OTUD4: variants seen among roughly 807,000 people sequenced by gnomAD.
The protein encoded by OTUD4 is OTU deubiquitinase 4, also known as OTU domain-containing protein 4.
In OTUD4, 24 loss-of-function variants were observed where a neutral mutation model predicts 130.4. The ratio of observed to expected loss-of-function variants is 0.18; its 90% CI spans 0.13 to 0.26. OTUD4 has a LOEUF of 0.26. Among genes scored for constraint, OTUD4 ranks in the 10% least tolerant of loss-of-function variants. The probability of loss-of-function intolerance (pLI) is 1.00; values close to 1 mark genes in which losing one functional copy is unlikely to be tolerated. For missense variants in OTUD4, 1,031 were observed against 1,329.4 expected, an observed-to-expected ratio of 0.78 and a Z score of 3.49; for synonymous variants, 420 against 472.5, an observed-to-expected ratio of 0.89 and a Z score of 1.44.
chr4:145,163,723 T>TA (rs1751703355), intron 5 of OTUD4, among the ~76,000 whole-genome samples: 1 of 149,814 alleles, frequency 6.7e-6, no homozygotes, highest in African/African-American at 2.4e-5. Context: ...TTTTTTTTTT[T>TA]AAGACGGAGG....
In OTUD4 at chr4:145,137,872, A is replaced by G. The variant is rs377171799; in HGVS notation, c.2903T>C (p.Leu968Pro). The change falls in exon 21 of 21, where the codon CTA becomes CCA. Residue 968 changes from leucine to proline, a missense_variant. Physicochemically the swap from Leu to Pro is moderately conservative, Grantham distance 98. This residue lies in a region of OTUD4 where 900 missense variants were observed against 1,095.9 expected (regional missense o/e 0.82). Transcript: ENST00000447906. ...EGKAHPPTQILNRERETVPVE... is the reference protein window; with the variant it reads ...EGKAHPPTQIPNRERETVPVE... ...AGGCACAGTTTCTCTCTCTCTGTTT[A>G]GAATCTGAGTGGGAGGATGAGCCTT... 53 of 1,613,960 alleles carry G rather than the reference A, an allele frequency of 3.3e-5. No individual in the cohort carries two copies. Among genetic ancestry groups the G allele is most frequent in the Non-Finnish European group, 4.3e-5 (51 of 1,180,014 alleles).
Position 145,157,304 on chromosome 4 carries a change from G to A in OTUD4, c.630-1308C>T, listed in dbSNP as rs1031715924. ...CATCTTGAATTGTAATACTCCCCAA[G>A]TATCAAGGGCAAGACCAGGTGGAGA... On this transcript the variant is annotated intron_variant, in intron 7 of 20. Coordinates refer to ENST00000447906, the MANE Select transcript of OTUD4 (RefSeq NM_001366057.1). Among the ~76,000 whole-genome samples the A allele has an allele frequency of 3.9e-5, 6 of 152,164 alleles. No individual in the cohort carries two copies. In the East Asian group the frequency reaches 5.8e-4, roughly 15 times the overall value.
intron 5 of OTUD4, among the ~76,000 whole-genome samples, chr4:145,163,430 T>A (rs1157034700): frequency 1.3e-5 from 2 of 152,188 alleles, no homozygotes; most frequent in Non-Finnish European, 2.9e-5. Context: ...TGACAGATAA[T>A]GCAACGACAC....
At chr4:145,143,336 T>C (rs769220148) in intron 17 of OTUD4, 29 bp downstream of exon 17, 1 of 1,390,510 alleles carries the variant, frequency 7.2e-7, no homozygotes, top group Non-Finnish European at 1.0e-6. Flanking sequence ...GAGTGGAGCA[T>C]TCAATGTTAA....
In OTUD4 at chr4:145,142,298, G is replaced by T. The variant is rs1443756520; in HGVS notation, c.1720C>A (p.Pro574Thr). The change falls in exon 18 of 21, where the codon CCC (proline) becomes ACC (threonine). Residue 574 changes from proline to threonine, a missense_variant. Transcript: ENST00000447906. The part of the protein sequence containing the change: ...AEHVSLSNPA[P>T]LLVSPEVHLT... ...TGTACCTCTGGAGAAACTAGAAGGG[G>T]AGCTGGATTTGACAAAGACACATGT... is the stretch of plus-strand genomic sequence containing the variant. The T allele has an allele frequency of 1.9e-6, 3 of 1,613,974 alleles. No homozygotes were observed. The highest frequency in any genetic ancestry group is 2.5e-6 in the Non-Finnish European group (3 of 1,179,848).
rs1278651219 is a variant in OTUD4, at chr4:145,180,288, C to T, written c.-315G>A. On this transcript the variant is annotated 5_prime_UTR_variant, in exon 1 of 21. Transcript: ENST00000447906. ...ACTTCCCGACGGCCTCGCTGCCTGA[C>T]TCAGGACCCAGGCCGGGGGTCGCCG... 1 of 153,374 alleles carries T rather than the reference C, an allele frequency of 6.5e-6. No homozygotes were observed. Among genetic ancestry groups the T allele is most frequent in the Admixed American group, 6.5e-5 (1 of 15,332 alleles). 9.5% of individuals were successfully genotyped at this position (153,374 alleles called of 1,614,324 possible). A position where few individuals can be genotyped will look rare whatever the true frequency, so the allele number is the denominator to read the frequency against.
chr4:145,150,786 C>T lies in OTUD4; in HGVS notation c.1072+16G>A. The T allele has an allele frequency of 6.2e-7, 1 of 1,608,162 alleles. No homozygotes were observed. Among genetic ancestry groups the T allele is most frequent in the Non-Finnish European group, 8.5e-7 (1 of 1,174,908 alleles). On this transcript the variant is annotated intron_variant, in intron 12 of 20. Coordinates refer to ENST00000447906, the MANE Select transcript of OTUD4 (RefSeq NM_001366057.1). ...CATCCCAATCCCAAAGGAATGATAG[C>T]TTGATGTGCTCCTACCAGAATGGAA...
At chr4:145,151,006 T>G in intron 11 of OTUD4, 101 bp from the exon 12 acceptor site, 1 of 637,172 alleles carries the variant, frequency 1.6e-6, no homozygotes, top group Non-Finnish European at 2.5e-6. Flanking sequence ...TTTCTAGTTT[T>G]ATTTCTTACA....
Position 145,150,633 on chromosome 4 carries a change from C to T in OTUD4, c.1139G>A (p.Arg380Gln), listed in dbSNP as rs768825820. 4.3e-6 allele frequency: 7 copies of T among 1,612,834 alleles called. No individual in the cohort carries two copies. Among genetic ancestry groups the T allele is most frequent in the Non-Finnish European group, 5.9e-6 (7 of 1,179,064 alleles). The part of the protein sequence containing the change: ...PIKAPSALPP[R>Q]LQHPSGVRQH... ...TCTTACTCCTGAAGGATGCTGCAGTCGAGGAGGTAGTGCTGATGGGGCTTT... is the reference window on the plus strand; with the variant it reads ...TCTTACTCCTGAAGGATGCTGCAGTTGAGGAGGTAGTGCTGATGGGGCTTT... The change falls in exon 13 of 21, where the codon CGA (arginine) becomes CAA (glutamine). Residue 380 changes from arginine (R) to glutamine (Q), a missense_variant. Physicochemically the swap from Arg to Gln is conservative, Grantham distance 43. Around this residue, in one of 3 missense-constraint regions of OTUD4, gnomAD observed 900 missense variants for 1,095.9 expected, o/e 0.82. Coordinates refer to ENST00000447906, the MANE Select transcript of OTUD4 (RefSeq NM_001366057.1).
Position 145,134,021 on chromosome 4 carries a change from T to C in OTUD4, c.*3409A>G, listed in dbSNP as rs1466163083. 2 of 152,614 alleles carry C rather than the reference T, an allele frequency of 1.3e-5. No homozygotes were observed. The highest frequency in any genetic ancestry group is 2.9e-5 in the Non-Finnish European group (2 of 68,034). The allele number at this position is 152,614 out of a possible 1,614,324, so 9.5% of individuals were successfully genotyped here. A position where few individuals can be genotyped will look rare whatever the true frequency, so the allele number is the denominator to read the frequency against. On this transcript the variant is annotated 3_prime_UTR_variant, in exon 21 of 21. Transcript: ENST00000447906. ...GTAACACAATGCAATTTTTAATCCA[T>C]TCAAGTAAGTTCAACCCCAAAGTTG... is the stretch of plus-strand genomic sequence containing the variant.
intron 10 of OTUD4, among the ~76,000 whole-genome samples, chr4:145,153,140 T>C (rs1159551605): frequency 6.6e-6 from 1 of 152,224 alleles, no homozygotes; most frequent in East Asian, 1.9e-4. Flanking sequence ...CTCCCAGACC[T>C]CCATATCTCC....
chr4:145,168,538 G>A (rs1279895787), intron 3 of OTUD4, among the ~76,000 whole-genome samples: 1 of 151,376 alleles, frequency 6.6e-6, no homozygotes, highest in African/African-American at 2.4e-5. Context: ...AAGAACAACA[G>A]CAATTAAAAA....
intron 7 of OTUD4, among the ~76,000 whole-genome samples, chr4:145,158,550 A>T (rs1035402565): frequency 6.6e-6 from 1 of 152,148 alleles, no homozygotes; most frequent in Non-Finnish European, 1.5e-5. Context: ...ATATATTTTT[A>T]AAGTTATTTT....
chr4:145,169,780 C>CA (rs1303552803), intron 3 of OTUD4, among the ~76,000 whole-genome samples: 3 of 151,562 alleles, frequency 2.0e-5, no homozygotes, highest in Non-Finnish European at 4.4e-5. Context: ...CCCAGGAAAG[C>CA]AAAAAAATAA....
intron 5 of OTUD4, 145 bp downstream of exon 5, chr4:145,164,009 T>A: frequency 3.9e-6 from 2 of 519,148 alleles, no homozygotes; most frequent in Middle Eastern, 5.5e-4. Flanking sequence ...CACCCGGCTA[T>A]AGGAACTTTT....
intron 7 of OTUD4, among the ~76,000 whole-genome samples, chr4:145,157,121 A>G (rs1367540223): frequency 6.6e-6 from 1 of 152,220 alleles, no homozygotes; most frequent in African/African-American, 2.4e-5. Flanking sequence ...CTCCGCCTAC[A>G]TGAAATGTAC....
chr4:145,171,210 G>GT (rs1227361851), intron 3 of OTUD4: 5 of 154,500 alleles, frequency 3.2e-5, no homozygotes, highest in African/African-American at 1.2e-4. Context: ...GTGCACGCCT[G>GT]TAGTCCCAGA....
At chr4:145,146,230 C>A in intron 14 of OTUD4, 37 bp downstream of exon 14, 1 of 1,380,136 alleles carries the variant, frequency 7.2e-7, no homozygotes, top group Non-Finnish European at 9.6e-7. Context: ...AGAGAAACTT[C>A]TGTATAATGA....
At chr4:145,178,029 A>G (rs1752507286) in intron 1 of OTUD4, 1 of 152,244 alleles carries the variant, frequency 6.6e-6, no homozygotes, top group African/African-American at 2.4e-5. Flanking sequence ...CAAGGTCTTC[A>G]GCTAAGCTCA....
Sources: gnomAD v4.1 joint callset for allele counts (sites outside exome capture counted in the v4.1 genomes callset) on GRCh38, gnomAD v4.1.1 for gene constraint, gnomAD v4.1.1 regional missense constraint, MANE v1.5 for transcripts, NCBI Gene and HGNC (gene_info 2026-07-23, HGNC 2026-07-21) for gene names.